CRISPLD2: variants seen among roughly 807,000 people sequenced by gnomAD.
CRISPLD2 encodes the protein cysteine-rich secretory protein LCCL domain-containing 2.
Under a neutral mutation model 71.1 loss-of-function variants are expected in CRISPLD2, and 47 were observed. That is an observed-to-expected ratio of 0.66 (90% CI 0.52 to 0.84). The LOEUF is 0.84. CRISPLD2 is among the 40% of genes least tolerant of loss of function. The pLI, the probability that CRISPLD2 is intolerant of heterozygous loss-of-function variation, is 0.00. For missense variants in CRISPLD2, 830 were observed against 651.1 expected (o/e 1.27, Z -2.99); for synonymous variants, 317 against 250.1 (o/e 1.27, Z -2.52).
chr16:84,835,063 A>G (rs62048663), intron 1 of CRISPLD2, among the ~76,000 whole-genome samples: 9,723 of 152,056 alleles, frequency 0.064, 424 homozygotes, highest in Non-Finnish European at 0.091. Flanking sequence ...AACTGGAATG[A>G]GGTGCTGGCC....
intron 10 of CRISPLD2, among the ~76,000 whole-genome samples, chr16:84,873,710 C>G (rs2071494616): frequency 6.6e-6 from 1 of 152,026 alleles, no homozygotes; most frequent in Non-Finnish European, 1.5e-5. Context: ...ATAGGCCTCA[C>G]CAGGCTACCA....
At chr16:84,880,808 C>A in intron 13 of CRISPLD2, 1 of 368,100 alleles carries the variant, frequency 2.7e-6, no homozygotes, top group Non-Finnish European at 5.0e-6. Flanking sequence ...CAGGTTCAAA[C>A]GATTCTTGTA....
chr16:84,872,334 C>CT (rs1482961300), intron 8 of CRISPLD2, 108 bp from the exon 9 acceptor site: 2 of 933,088 alleles, frequency 2.1e-6, no homozygotes, highest in Non-Finnish European at 3.4e-6. Flanking sequence ...ATGAATGAAG[C>CT]TTTTCTATAT....
rs776607682 is a variant in CRISPLD2, at chr16:84,906,750, G to A, written c.*108G>A. ...TATGGAGAGTCAGGAAACTTCCTTT[G>A]ACTGATGTTCAGTGTCCATCACTTT... On this transcript the variant is annotated 3_prime_UTR_variant, in exon 15 of 15. Transcript: ENST00000262424. The A allele has an allele frequency of 8.0e-7, 1 of 1,256,774 alleles. No individual in the cohort carries two copies. The highest frequency in any genetic ancestry group is 2.3e-5 in the East Asian group (1 of 42,742). The allele number at this position is 1,256,774 out of a possible 1,614,324, so 77.9% of individuals were successfully genotyped here. A position where few individuals can be genotyped will look rare whatever the true frequency, so the allele number is the denominator to read the frequency against.
chr16:84,897,046 C>T (rs1049405237), intron 14 of CRISPLD2, among the ~76,000 whole-genome samples: 5 of 152,178 alleles, frequency 3.3e-5, no homozygotes, highest in African/African-American at 1.2e-4. Flanking sequence ...GGATGCAGCC[C>T]CACGTGCCTG....
At chr16:84,864,386 G>T (rs1366114292) in intron 6 of CRISPLD2, among the ~76,000 whole-genome samples, 1 of 152,176 alleles carries the variant, frequency 6.6e-6, no homozygotes, top group East Asian at 1.9e-4. Context: ...ACTGTCTTCG[G>T]CTAAATAAAG....
At chr16:84,889,534 T>C (rs1343998799) in intron 14 of CRISPLD2, among the ~76,000 whole-genome samples, 171 bp downstream of exon 14, 1 of 152,124 alleles carries the variant, frequency 6.6e-6, no homozygotes, top group Non-Finnish European at 1.5e-5. Context: ...TCTCTTTCTT[T>C]TGTTTTTGAA....
intron 4 of CRISPLD2, among the ~76,000 whole-genome samples, 163 bp downstream of exon 4, chr16:84,849,680 T>A (rs1296165575): frequency 6.6e-6 from 1 of 152,052 alleles, no homozygotes; most frequent in African/African-American, 2.4e-5. Flanking sequence ...AGAAGCTGTT[T>A]GTTACCAGCA....
intron 1 of CRISPLD2, among the ~76,000 whole-genome samples, chr16:84,834,221 G>A (rs1289440864): frequency 1.3e-5 from 2 of 152,328 alleles, no homozygotes; most frequent in South Asian, 2.1e-4. Flanking sequence ...ACACCACGAC[G>A]GGCGCAGGGC....
intron 2 of CRISPLD2, among the ~76,000 whole-genome samples, chr16:84,844,389 T>A (rs1230575087): frequency 6.6e-6 from 1 of 152,246 alleles, no homozygotes; most frequent in Non-Finnish European, 1.5e-5. Context: ...GTAACCATTT[T>A]TAAGTGTGCA....
At chr16:84,860,928 T>A (rs1166149400) in intron 6 of CRISPLD2, among the ~76,000 whole-genome samples, 1 of 152,208 alleles carries the variant, frequency 6.6e-6, no homozygotes, top group African/African-American at 2.4e-5. Context: ...AGCCGGAAGT[T>A]AGAATCCCTG....
At chr16:84,898,718 G>A (rs1392580100) in intron 14 of CRISPLD2, among the ~76,000 whole-genome samples, 8 of 152,180 alleles carry the variant, frequency 5.3e-5, no homozygotes, top group African/African-American at 1.9e-4. Context: ...TAACCCCACA[G>A]CCCTGATGCT....
At chr16:84,847,530 C>A (rs548852308) in intron 3 of CRISPLD2, among the ~76,000 whole-genome samples, 29 of 152,010 alleles carry the variant, frequency 1.9e-4, no homozygotes, top group South Asian at 8.3e-4. Flanking sequence ...AGGCGCCTGT[C>A]ATCCCAGCTA....
intron 5 of CRISPLD2, among the ~76,000 whole-genome samples, chr16:84,854,002 G>A (rs1441372522): frequency 1.3e-5 from 2 of 152,334 alleles, no homozygotes; most frequent in Non-Finnish European, 2.9e-5. Flanking sequence ...CTATGGTGCG[G>A]CCTCCAGTTT....
intron 2 of CRISPLD2, among the ~76,000 whole-genome samples, chr16:84,844,806 G>A (rs148552523): frequency 6.6e-6 from 1 of 152,250 alleles, no homozygotes; most frequent in African/African-American, 2.4e-5. Flanking sequence ...GCAGGCCTGT[G>A]TGTCGCTGAC....
intron 2 of CRISPLD2, among the ~76,000 whole-genome samples, chr16:84,842,769 G>A (rs965866050): frequency 6.6e-6 from 1 of 152,154 alleles, no homozygotes; most frequent in Non-Finnish European, 1.5e-5. Context: ...GAAAGGAAAG[G>A]GGCCATGGGA....
Position 84,849,193 on chromosome 16 carries a change from G to A in CRISPLD2, c.360-192G>A. On this transcript the variant is annotated intron_variant, in intron 3 of 14. Coordinates refer to ENST00000262424, the MANE Select transcript of CRISPLD2 (RefSeq NM_031476.4). ...CCTCCCTCCCTCCTCGCTGCCCGTG[G>A]CTGCTCCTGGAATTGGGGGCTATTC... The A allele has an allele frequency of 6.9e-6, 4 of 577,894 alleles. No homozygotes were observed. In the East Asian group the frequency reaches 8.6e-5, roughly 12 times the overall value. The allele number at this position is 577,894 out of a possible 1,614,324, so 35.8% of individuals were successfully genotyped here. A position where few individuals can be genotyped will look rare whatever the true frequency, so the allele number is the denominator to read the frequency against.
chr16:84,871,726 A>T (rs530988744), intron 8 of CRISPLD2, among the ~76,000 whole-genome samples: 68 of 151,934 alleles, frequency 4.5e-4, no homozygotes, highest in African/African-American at 1.5e-3. Flanking sequence ...TAATTTTTAT[A>T]TTTTTAGTAG....
chr16:84,890,340 CAG>C (rs35295872), intron 14 of CRISPLD2, among the ~76,000 whole-genome samples: 60,327 of 150,666 alleles, frequency 0.4, 13,034 homozygotes, highest in East Asian at 0.63. Context: ...GCCTGGGCGA[CAG>C]AGTGAGACTC....
Sources: gnomAD v4.1 joint callset for allele counts (sites outside exome capture counted in the v4.1 genomes callset) on GRCh38, gnomAD v4.1.1 for gene constraint, MANE v1.5 for transcripts, NCBI Gene and HGNC (gene_info 2026-07-23, HGNC 2026-07-21) for gene names.